KANK4: variants seen among roughly 807,000 people sequenced by gnomAD.
The protein encoded by KANK4 is KN motif and ankyrin repeat domain-containing protein 4.
Under a neutral mutation model 80.8 loss-of-function variants are expected in KANK4, and 50 were observed. The ratio of observed to expected loss-of-function variants is 0.62; its 90% CI spans 0.49 to 0.78. The LOEUF (loss-of-function observed/expected upper bound fraction) is 0.78, where lower values mean the gene tolerates loss of function less well. KANK4 is among the 30% of genes least tolerant of loss of function. The pLI, the probability that KANK4 is intolerant of heterozygous loss-of-function variation, is 0.00. For synonymous variants in KANK4, 465 were observed against 506.9 expected (o/e 0.92, Z 1.11); for missense variants, 1,196 against 1,240.1 (o/e 0.96, Z 0.53).
At chr1:62,264,559 G>A (rs1421599154) in intron 6 of KANK4, among the ~76,000 whole-genome samples, 2 of 152,192 alleles carry the variant, frequency 1.3e-5, no homozygotes, top group African/African-American at 4.8e-5. Flanking sequence ...TGGCTCTACA[G>A]AGTGAGGTCC....
chr1:62,239,731 T>C (rs752023997), intron 9 of KANK4, among the ~76,000 whole-genome samples: 6 of 152,208 alleles, frequency 3.9e-5, no homozygotes, highest in Non-Finnish European at 8.8e-5. Flanking sequence ...GTTCTCATTG[T>C]TCAATTCCCA....
chr1:62,252,344 G>T (rs990182275), intron 8 of KANK4, among the ~76,000 whole-genome samples: 6 of 152,238 alleles, frequency 3.9e-5, no homozygotes, highest in African/African-American at 1.4e-4. Context: ...ACTGCTCCTG[G>T]GGACTGGGGC....
intron 9 of KANK4, among the ~76,000 whole-genome samples, chr1:62,244,594 T>C (rs2149116021): frequency 6.6e-6 from 1 of 152,294 alleles, no homozygotes; most frequent in Non-Finnish European, 1.5e-5. Flanking sequence ...CTGCTATCCA[T>C]GTAAGATGTG....
At position 62,236,818 on chromosome 1, in the gene KANK4, A is replaced by G. The variant is rs1570946608; in HGVS notation, c.*1459T>C. Among the ~76,000 whole-genome samples, 1 of 150,360 alleles carries G rather than the reference A, an allele frequency of 6.7e-6. No homozygotes were observed. The highest frequency in any genetic ancestry group is 2.1e-4 in the South Asian group (1 of 4,718). ...TCCATGTATGTCAGGCTGGTCTCAA[A>G]CTCCCGACCTCAGGTGATCCACCTG... On this transcript the variant is annotated 3_prime_UTR_variant, in exon 10 of 10. Coordinates refer to ENST00000371153, the MANE Select transcript of KANK4 (RefSeq NM_181712.5).
At chr1:62,284,804 C>T (rs1672527091) in intron 1 of KANK4, among the ~76,000 whole-genome samples, 1 of 152,202 alleles carries the variant, frequency 6.6e-6, no homozygotes, top group Non-Finnish European at 1.5e-5. Context: ...ACATAGCTTG[C>T]TTTCTCTCTA....
chr1:62,289,226 C>T (rs1182422285), intron 1 of KANK4, among the ~76,000 whole-genome samples: 1 of 152,144 alleles, frequency 6.6e-6, no homozygotes, highest in Non-Finnish European at 1.5e-5. Flanking sequence ...GCATTCTCTC[C>T]CTTGGACACC....
intron 8 of KANK4, among the ~76,000 whole-genome samples, chr1:62,250,053 T>C (rs1348405802): frequency 6.6e-6 from 1 of 152,010 alleles, no homozygotes; most frequent in Non-Finnish European, 1.5e-5. Flanking sequence ...TGGCGTGATC[T>C]TGGCTCACTG....
chr1:62,279,443 G>A (rs1672404501), intron 2 of KANK4, among the ~76,000 whole-genome samples: 1 of 152,114 alleles, frequency 6.6e-6, no homozygotes, highest in South Asian at 2.1e-4. Flanking sequence ...ACTGGGCCAG[G>A]GTGAGAATCA....
At chr1:62,281,456 C>A in intron 2 of KANK4, 93 bp downstream of exon 2, 1 of 1,472,594 alleles carries the variant, frequency 6.8e-7, no homozygotes, top group Non-Finnish European at 9.5e-7. Flanking sequence ...CTCCTGCAGG[C>A]CTTTCCTAGG....
chr1:62,282,013 T>G (rs980602602), intron 1 of KANK4, among the ~76,000 whole-genome samples: 28 of 151,902 alleles, frequency 1.8e-4, no homozygotes, highest in African/African-American at 5.8e-4. Flanking sequence ...ATCTCAAGAG[T>G]TGAAATCTAC....
chr1:62,258,436 C>T lies in KANK4; in HGVS notation c.2539+4656G>A, dbSNP rs377580828. Among the ~76,000 whole-genome samples the T allele has an allele frequency of 3.3e-5, 5 of 152,206 alleles. No homozygotes were observed. In the East Asian group the frequency reaches 7.7e-4, roughly 23 times the overall value. ...ATCCATGAAGAACTGAAATCAATAACATCAGCTCACTGTTAGCTATAATTT... is the reference window on the plus strand; with the variant it reads ...ATCCATGAAGAACTGAAATCAATAATATCAGCTCACTGTTAGCTATAATTT... On this transcript the variant is annotated intron_variant, in intron 7 of 9. Coordinates refer to ENST00000371153, the MANE Select transcript of KANK4 (RefSeq NM_181712.5).
Position 62,238,333 on chromosome 1 carries a change from C to G in KANK4, c.2932G>C (p.Glu978Gln), listed in dbSNP as rs780091111. 4.3e-6 allele frequency: 7 copies of G among 1,613,976 alleles called. No individual in the cohort carries two copies. The African/African-American group carries it at 9.3e-5, about 22-fold the overall frequency. Reference sequence around the variant, plus strand: ...TGGGCTCTCAGAAGCCCAGCAATTTCCATATGGGTGGGTGACTTCAGAGCG... The same window carrying G: ...TGGGCTCTCAGAAGCCCAGCAATTTGCATATGGGTGGGTGACTTCAGAGCG... ...SIALKSPTHM[E>Q]IAGLLRAHAE... Residue 978 changes from glutamate (E) to glutamine (Q), a missense_variant, in exon 10 of 10, where the codon GAA becomes CAA. Glu to Gln is a conservative substitution (Grantham distance 29). This residue lies in a region of KANK4 where 1,154 missense variants were observed against 1,179.6 expected (regional missense o/e 0.98). Transcript: ENST00000371153.
At chr1:62,251,396 C>T (rs747469550) in intron 8 of KANK4, among the ~76,000 whole-genome samples, 31 of 152,222 alleles carry the variant, frequency 2.0e-4, no homozygotes, top group Non-Finnish European at 3.8e-4. Flanking sequence ...CCAGACTCTT[C>T]ACAGTTCTCA....
chr1:62,268,605 T>A, intron 4 of KANK4, 100 bp from the exon 5 acceptor site: 1 of 885,516 alleles, frequency 1.1e-6, no homozygotes, highest in Admixed American at 2.0e-5. Flanking sequence ...ACTCCGCAGC[T>A]TGCTAATCTC....
At chr1:62,313,208 G>A (rs1644511741) in intron 1 of KANK4, among the ~76,000 whole-genome samples, 1 of 152,144 alleles carries the variant, frequency 6.6e-6, no homozygotes, top group Non-Finnish European at 1.5e-5. Context: ...ATAGGAAAAA[G>A]CATAGTATAT....
At chr1:62,240,609 C>A (rs1008218754) in intron 9 of KANK4, among the ~76,000 whole-genome samples, 1 of 152,070 alleles carries the variant, frequency 6.6e-6, no homozygotes, top group East Asian at 1.9e-4. Flanking sequence ...GCAGAGGTTG[C>A]GGTGAGACAA....
Position 62,237,505 on chromosome 1 carries a change from G to A in KANK4, c.*772C>T, listed in dbSNP as rs541640069. 2.0e-5 allele frequency: 3 copies of A among 152,042 alleles called. No individual in the cohort carries two copies. The highest frequency in any genetic ancestry group is 4.4e-5 in the Non-Finnish European group (3 of 68,004). 9.4% of individuals were successfully genotyped at this position (152,042 alleles called of 1,614,324 possible). A position where few individuals can be genotyped will look rare whatever the true frequency, so the allele number is the denominator to read the frequency against. On this transcript the variant is annotated 3_prime_UTR_variant, in exon 10 of 10. Transcript: ENST00000371153. ...AGAATCTGACTCTGCCCAAATACAT[G>A]TGGTGTGTGTCATTGGATTGAATTT... is the stretch of plus-strand genomic sequence containing the variant.
chr1:62,281,159 G>A (rs1557495381), intron 2 of KANK4, among the ~76,000 whole-genome samples: 1 of 152,308 alleles, frequency 6.6e-6, no homozygotes, highest in East Asian at 1.9e-4. Context: ...ACCCAGAAAA[G>A]ATCATCCATG....
At chr1:62,275,928 A>C (rs1672303828) in intron 2 of KANK4, among the ~76,000 whole-genome samples, 1 of 151,042 alleles carries the variant, frequency 6.6e-6, no homozygotes, top group South Asian at 2.1e-4. Context: ...AGGGAAAGGA[A>C]AGGAAGGGAA....
Sources: gnomAD v4.1 joint callset for allele counts (sites outside exome capture counted in the v4.1 genomes callset) on GRCh38, gnomAD v4.1.1 for gene constraint, gnomAD v4.1.1 regional missense constraint, MANE v1.5 for transcripts, NCBI Gene and HGNC (gene_info 2026-07-23, HGNC 2026-07-21) for gene names.